SRPK2: variants seen among roughly 807,000 people sequenced by gnomAD.
SRPK2 encodes SRSF protein kinase 2.
SRPK2 carries 21 observed loss-of-function variants against 90.8 expected under a neutral mutation model. The ratio of observed to expected loss-of-function variants is 0.23; its 90% CI spans 0.16 to 0.33. The LOEUF (loss-of-function observed/expected upper bound fraction) is 0.33, where lower values mean the gene tolerates loss of function less well. Ranked by LOEUF, SRPK2 falls within the 10% of genes least tolerant of loss-of-function variation. SRPK2 has a pLI of 1.00. For synonymous variants in SRPK2, 288 were observed against 311.1 expected (o/e 0.93, Z 0.78); for missense variants, 620 against 869.0 (o/e 0.71, Z 3.60).
chr7:105,142,980 T>C (rs1406928134), intron 10 of SRPK2, 104 bp downstream of exon 10: 1 of 1,443,064 alleles, frequency 6.9e-7, no homozygotes, highest in African/African-American at 1.4e-5. Context: ...ATCATCCTTG[T>C]CATCTGCAGC....
intron 2 of SRPK2, among the ~76,000 whole-genome samples, chr7:105,278,749 G>C (rs1031434471): frequency 6.6e-6 from 1 of 151,630 alleles, no homozygotes; most frequent in Non-Finnish European, 1.5e-5. Flanking sequence ...AGGGGAAAAG[G>C]GGAAGGCAGA....
chr7:105,222,353 T>C (rs1798201777), intron 2 of SRPK2, among the ~76,000 whole-genome samples: 1 of 152,250 alleles, frequency 6.6e-6, no homozygotes, highest in African/African-American at 2.4e-5. Context: ...GAATTGTTCC[T>C]CACAATAACT....
intron 2 of SRPK2, among the ~76,000 whole-genome samples, chr7:105,300,217 C>T (rs1414570675): frequency 7.4e-6 from 1 of 135,348 alleles, no homozygotes; most frequent in Non-Finnish European, 1.5e-5. Flanking sequence ...CACGCCACTG[C>T]ACTCCAGACT....
chr7:105,138,532 C>T (rs1803228664), intron 11 of SRPK2, among the ~76,000 whole-genome samples: 1 of 152,196 alleles, frequency 6.6e-6, no homozygotes, highest in South Asian at 2.1e-4. Context: ...GGTGTGATGG[C>T]TCACGCCTTT....
chr7:105,221,676 T>G (rs1798116550), intron 2 of SRPK2, among the ~76,000 whole-genome samples: 1 of 152,080 alleles, frequency 6.6e-6, no homozygotes, highest in Non-Finnish European at 1.5e-5. Flanking sequence ...TCCACAACAG[T>G]CCTAACCATA....
intron 2 of SRPK2, among the ~76,000 whole-genome samples, chr7:105,369,942 G>A (rs547737942): frequency 5.9e-5 from 9 of 152,096 alleles, no homozygotes; most frequent in African/African-American, 9.7e-5. Context: ...CAGGAGAATC[G>A]CTTGAACCCG....
intron 2 of SRPK2, among the ~76,000 whole-genome samples, chr7:105,366,376 T>TC (rs1473221982): frequency 2.0e-5 from 3 of 149,988 alleles, no homozygotes; most frequent in African/African-American, 7.4e-5. Context: ...CCTTTTTTTT[T>TC]TTTTTCTTTT....
chr7:105,288,627 T>C (rs1266709005), intron 2 of SRPK2, among the ~76,000 whole-genome samples: 6 of 151,942 alleles, frequency 3.9e-5, no homozygotes, highest in Non-Finnish European at 8.8e-5. Flanking sequence ...AAAAAATATA[T>C]AAAAACATAT....
chr7:105,351,696 C>T (rs187298384), intron 2 of SRPK2, among the ~76,000 whole-genome samples: 1 of 150,922 alleles, frequency 6.6e-6, no homozygotes, highest in African/African-American at 2.4e-5. Flanking sequence ...CCCAGCTACT[C>T]GGGAGGCTGA....
intron 2 of SRPK2, among the ~76,000 whole-genome samples, chr7:105,379,079 G>T (rs1820633685): frequency 6.6e-6 from 1 of 151,704 alleles, no homozygotes; most frequent in South Asian, 2.1e-4. Flanking sequence ...ATCATTTGAG[G>T]CCAGGAATTT....
At chr7:105,250,416 A>AG (rs1276010015) in intron 2 of SRPK2, among the ~76,000 whole-genome samples, 6 of 151,888 alleles carry the variant, frequency 4.0e-5, no homozygotes, top group Non-Finnish European at 7.4e-5. Flanking sequence ...AGAAAAAAAA[A>AG]ACAAAAACCT....
chr7:105,226,724 G>T (rs1218714030), intron 2 of SRPK2, among the ~76,000 whole-genome samples: 1 of 151,334 alleles, frequency 6.6e-6, no homozygotes, highest in African/African-American at 2.4e-5. Context: ...GTAGATCTCT[G>T]GCCAGGCACG....
intron 10 of SRPK2, among the ~76,000 whole-genome samples, 155 bp from the exon 11 acceptor site, chr7:105,142,645 C>A (rs540224386): frequency 6.6e-6 from 1 of 152,300 alleles, no homozygotes; most frequent in African/African-American, 2.4e-5. Flanking sequence ...TTCAGGTTTT[C>A]TAAATCTCAT....
intron 7 of SRPK2, among the ~76,000 whole-genome samples, chr7:105,153,323 GTTCC>G (rs1421924230): frequency 6.6e-6 from 1 of 152,202 alleles, no homozygotes; most frequent in African/African-American, 2.4e-5. Context: ...TTCAGAGAAA[GTTCC>G]TTCTTTTCCT....
chr7:105,184,586 T>C (rs771086235), intron 3 of SRPK2, among the ~76,000 whole-genome samples: 1 of 152,184 alleles, frequency 6.6e-6, no homozygotes, highest in Non-Finnish European at 1.5e-5. Context: ...TCTTCCTTGA[T>C]TTAGGTTGCT....
chr7:105,293,452 TG>T (rs34203426), intron 2 of SRPK2, among the ~76,000 whole-genome samples: 59,330 of 151,516 alleles, frequency 0.39, 12,453 homozygotes, highest in African/African-American at 0.54. Context: ...TTTCCTTTTT[TG>T]TGGGGGGGTG....
chr7:105,258,431 AAAAAG>A (rs1198407290), intron 2 of SRPK2, among the ~76,000 whole-genome samples: 7 of 151,642 alleles, frequency 4.6e-5, no homozygotes, highest in South Asian at 4.2e-4. Context: ...AAAAAAAAAA[AAAAAG>A]AAAGAAAAAA....
chr7:105,370,660 G>A (rs1341555365), intron 2 of SRPK2, among the ~76,000 whole-genome samples: 2 of 137,348 alleles, frequency 1.5e-5, no homozygotes, highest in African/African-American at 2.7e-5. Context: ...CTGCACCCCA[G>A]GCTGGAGTGC....
intron 6 of SRPK2, among the ~76,000 whole-genome samples, chr7:105,164,559 CA>C (rs1360087401): frequency 1.2e-4 from 19 of 152,166 alleles, no homozygotes; most frequent in African/African-American, 4.6e-4. Context: ...CTTTGGGGAG[CA>C]ACTAAATGGC....
Sources: gnomAD v4.1 joint callset for allele counts (sites outside exome capture counted in the v4.1 genomes callset) on GRCh38, gnomAD v4.1.1 for gene constraint, MANE v1.5 for transcripts, NCBI Gene and HGNC (gene_info 2026-07-23, HGNC 2026-07-21) for gene names.